The following RIC1 variants were observed in gnomAD, a reference collection of about 807,000 sequenced individuals.
The protein encoded by RIC1 is RIC1 partner of RAB6A GEF complex.
A neutral mutation model predicts 169.0 loss-of-function variants in RIC1; 88 were observed. The observed-to-expected ratio is 0.52, with a 90% CI of 0.44 to 0.62. The LOEUF (loss-of-function observed/expected upper bound fraction) is 0.62, where lower values mean the gene tolerates loss of function less well. Ranked by LOEUF, RIC1 falls within the 20% of genes least tolerant of loss-of-function variation. RIC1 has a pLI of 0.00. For synonymous variants in RIC1, 790 were observed against 601.5 expected (o/e 1.31, Z -4.59); for missense variants, 1,877 against 1,725.5 (o/e 1.09, Z -1.56).
In RIC1 at chr9:5,684,407, A is replaced by G. The variant is rs78105519; in HGVS notation, c.253-5552A>G. On this transcript the variant is annotated intron_variant, in intron 2 of 25. Transcript: ENST00000414202. The stretch of plus-strand genomic sequence containing the variant: ...AGTTGCTATCTTAGCAATATAAACA[A>G]GATGTATTTCTCCATTGAAGTATTT... 2.3e-4 allele frequency among the ~76,000 whole-genome samples: 35 copies of G among 151,030 alleles called. No individual in the cohort carries two copies. The East Asian group carries it at 6.7e-3, about 29-fold the overall frequency.
chr9:5,753,355 A>C lies in RIC1; in HGVS notation c.1491+117A>C, dbSNP rs549859927. ...AAAAATAAAACTCTTGATCTATTGT[A>C]ACATTGCTAGTATATTAACATCTAT... On this transcript the variant is annotated intron_variant, in intron 13 of 25. Transcript: ENST00000414202. 54 of 961,398 alleles carry C rather than the reference A, an allele frequency of 5.6e-5. No individual in the cohort carries two copies. The East Asian group carries it at 1.2e-3, about 21-fold the overall frequency. 59.6% of individuals were successfully genotyped at this position (961,398 alleles called of 1,614,324 possible). A position where few individuals can be genotyped will look rare whatever the true frequency, so the allele number is the denominator to read the frequency against.
chr9:5,757,172 G>C (rs566676195), intron 16 of RIC1, 141 bp from the exon 17 acceptor site: 2 of 941,454 alleles, frequency 2.1e-6, no homozygotes, highest in East Asian at 4.9e-5. Flanking sequence ...CCTGATCGAA[G>C]GATATATGGG....
intron 1 of RIC1, among the ~76,000 whole-genome samples, chr9:5,643,460 A>AT (rs1289494140): frequency 6.6e-6 from 1 of 152,158 alleles, no homozygotes; most frequent in Non-Finnish European, 1.5e-5. Flanking sequence ...GTGAGCCATG[A>AT]TTGCACTATG....
In RIC1 at chr9:5,753,596, C is replaced by G; in HGVS notation, c.1552C>G (p.His518Asp). 1 of 1,611,682 alleles carries G rather than the reference C, an allele frequency of 6.2e-7. No homozygotes were observed. The highest frequency in any genetic ancestry group is 8.5e-7 in the Non-Finnish European group (1 of 1,178,950). Residue 518 changes from histidine (H) to aspartate (D), a missense_variant, in exon 14 of 26, where the codon CAT becomes GAT. This residue lies in a region of RIC1 where 1,104 missense variants were observed against 992.0 expected (regional missense o/e 1.11). Coordinates refer to ENST00000414202, the MANE Select transcript of RIC1 (RefSeq NM_020829.4). ...TGTGGTTGGCAAGTTTGGTTTTGCA[C>G]ATTACTCTTTACTCACCAAAAAATG... ...IAVVGKFGFAHYSLLTKKWKL... is the reference protein window; with the variant it reads ...IAVVGKFGFADYSLLTKKWKL...
At chr9:5,725,039 C>G (rs956841738) in intron 6 of RIC1, among the ~76,000 whole-genome samples, 16 of 152,104 alleles carry the variant, frequency 1.1e-4, no homozygotes, top group African/African-American at 3.9e-4. Context: ...GTGTCTCTGC[C>G]AGGCTTTGAT....
At chr9:5,771,840 A>C (rs947835975) in intron 23 of RIC1, among the ~76,000 whole-genome samples, 1 of 152,134 alleles carries the variant, frequency 6.6e-6, no homozygotes, top group African/African-American at 2.4e-5. Flanking sequence ...AGCTTACATC[A>C]CTAATGGCCA....
intron 2 of RIC1, among the ~76,000 whole-genome samples, 179 bp downstream of exon 2, chr9:5,656,869 T>A (rs531665214): frequency 6.6e-6 from 1 of 152,214 alleles, no homozygotes. Flanking sequence ...GCTTTTCTTC[T>A]GACTCTGCTA....
intron 10 of RIC1, among the ~76,000 whole-genome samples, chr9:5,744,443 G>A (rs1022789427): frequency 6.6e-6 from 1 of 152,166 alleles, no homozygotes; most frequent in Admixed American, 6.5e-5. Context: ...AATACAGGTT[G>A]AGTACCCCTT....
intron 5 of RIC1, 125 bp from the exon 6 acceptor site, chr9:5,720,489 T>G: frequency 8.5e-7 from 1 of 1,181,048 alleles, no homozygotes; most frequent in Non-Finnish European, 1.2e-6. Context: ...AAGGACAGTT[T>G]AATTATTTAG....
At chr9:5,646,934 A>G (rs1465461549) in intron 1 of RIC1, among the ~76,000 whole-genome samples, 1 of 152,128 alleles carries the variant, frequency 6.6e-6, no homozygotes, top group Non-Finnish European at 1.5e-5. Context: ...AGAGTTTTAT[A>G]GGGTGAGGTC....
intron 2 of RIC1, among the ~76,000 whole-genome samples, chr9:5,684,355 A>G (rs1821078137): frequency 7.6e-6 from 1 of 131,326 alleles, no homozygotes; most frequent in African/African-American, 2.9e-5. Context: ...TTGGGATTAC[A>G]TTGAATCTTT....
At chr9:5,682,951 C>A in intron 2 of RIC1, among the ~76,000 whole-genome samples, 1 of 152,146 alleles carries the variant, frequency 6.6e-6, no homozygotes, top group East Asian at 1.9e-4. Flanking sequence ...TCCAGTTGAT[C>A]GCATCGGCTA....
rs1437913491 is a variant in RIC1, at chr9:5,769,048, A to T, written c.3216A>T (p.Glu1072Asp). ...MLWRHARRLL[E>D]DVRLKDLGCF... is the part of the protein sequence containing the mutation. ...GGAGACATGCTCGGCGCCTCTTAGA[A>T]GATGTGAGGTTAAAGGACCTTGGCT... The change falls in exon 22 of 26, where the codon GAA (glutamate) becomes GAT (aspartate). Residue 1072 changes from glutamate (E) to aspartate (D), a missense_variant. By Grantham distance (45) the Glu-to-Asp change is conservative (BLOSUM62 2). Around this residue, in one of 3 missense-constraint regions of RIC1, gnomAD observed 681 missense variants for 582.0 expected, o/e 1.17. Coordinates refer to ENST00000414202, the MANE Select transcript of RIC1 (RefSeq NM_020829.4). 6.2e-7 allele frequency: 1 copy of T among 1,614,088 alleles called. No homozygotes were observed. The highest frequency in any genetic ancestry group is 1.7e-5 in the Admixed American group (1 of 60,016).
intron 15 of RIC1, 104 bp from the exon 16 acceptor site, chr9:5,756,108 A>G: frequency 1.5e-6 from 1 of 656,628 alleles, no homozygotes; most frequent in Non-Finnish European, 2.2e-6. Context: ...TGTTACTAAA[A>G]AAAAAAAAAA....
intron 7 of RIC1, among the ~76,000 whole-genome samples, chr9:5,737,126 C>T (rs1007446413): frequency 6.6e-6 from 1 of 152,118 alleles, no homozygotes; most frequent in African/African-American, 2.4e-5. Flanking sequence ...AAAACAGGAG[C>T]CTCATTTTCA....
intron 3 of RIC1, among the ~76,000 whole-genome samples, chr9:5,699,311 G>C (rs543972524): frequency 6.6e-6 from 1 of 152,324 alleles, no homozygotes; most frequent in East Asian, 1.9e-4. Flanking sequence ...GTCTGAGCGA[G>C]TGTGGGGTAT....
At chr9:5,730,822 A>G (rs978064936) in intron 6 of RIC1, among the ~76,000 whole-genome samples, 1 of 152,150 alleles carries the variant, frequency 6.6e-6, no homozygotes, top group African/African-American at 2.4e-5. Flanking sequence ...AGAAAAAGCC[A>G]AAATTCTTAT....
intron 2 of RIC1, among the ~76,000 whole-genome samples, chr9:5,664,548 T>G (rs1195109456): frequency 6.6e-6 from 1 of 152,214 alleles, no homozygotes; most frequent in East Asian, 1.9e-4. Context: ...CTTAACATTT[T>G]TCTTTCATTT....
intron 3 of RIC1, among the ~76,000 whole-genome samples, chr9:5,703,170 A>G (rs575444283): frequency 4.6e-5 from 7 of 152,306 alleles, no homozygotes; most frequent in South Asian, 2.1e-4. Flanking sequence ...TCTTCTGCCT[A>G]TGAGCCTGTA....
Sources: allele counts gnomAD v4.1 joint callset (sites outside exome capture counted in the v4.1 genomes callset), GRCh38; gene constraint gnomAD v4.1.1; regional missense constraint gnomAD v4.1.1; transcripts MANE v1.5; gene names NCBI Gene and HGNC (gene_info 2026-07-23, HGNC 2026-07-21).